Variants in COL25A1 observed in about 807,000 individuals in gnomAD.
COL25A1 encodes collagen alpha-1(XXV) chain.
A neutral mutation model predicts 128.4 loss-of-function variants in COL25A1; 103 were observed. That is an observed-to-expected ratio of 0.80 (90% CI 0.68 to 0.94). The LOEUF is 0.94. COL25A1 is among the 40% of genes least tolerant of loss of function. COL25A1 has a pLI of 0.00. For missense variants in COL25A1, 745 were observed against 840.0 expected (o/e 0.89, Z 1.40); for synonymous variants, 279 against 277.2 (o/e 1.01, Z -0.06).
chr4:109,298,823 T>C (rs1725240699), intron 3 of COL25A1, among the ~76,000 whole-genome samples: 1 of 152,102 alleles, frequency 6.6e-6, no homozygotes, highest in Admixed American at 6.6e-5. Context: ...ACTGATGTAA[T>C]GTGGAGCTCT....
chr4:108,860,469 T>C (rs1014950489), intron 23 of COL25A1, among the ~76,000 whole-genome samples: 2 of 152,086 alleles, frequency 1.3e-5, no homozygotes, highest in Non-Finnish European at 1.5e-5. Context: ...CCACAAAAAT[T>C]AAACAAAATA....
intron 3 of COL25A1, among the ~76,000 whole-genome samples, chr4:109,222,525 T>C (rs1322632442): frequency 2.0e-5 from 3 of 152,208 alleles, no homozygotes; most frequent in African/African-American, 7.2e-5. Context: ...GAATTAATAT[T>C]AAACTATTTA....
intron 3 of COL25A1, among the ~76,000 whole-genome samples, chr4:109,117,977 C>T (rs950970921): frequency 3.3e-5 from 5 of 151,374 alleles, no homozygotes; most frequent in Non-Finnish European, 5.9e-5. Flanking sequence ...ATATAAAATG[C>T]TCAATTAAAA....
chr4:109,295,939 A>C (rs144941892), intron 3 of COL25A1, among the ~76,000 whole-genome samples: 60 of 152,152 alleles, frequency 3.9e-4, no homozygotes, highest in African/African-American at 1.4e-3. Flanking sequence ...CTCCAAGCAA[A>C]TGACTAGCTG....
At chr4:109,128,517 G>A (rs1768857176) in intron 3 of COL25A1, among the ~76,000 whole-genome samples, 1 of 152,098 alleles carries the variant, frequency 6.6e-6, no homozygotes, top group South Asian at 2.1e-4. Context: ...TTATGACTTT[G>A]TCTATAACTT....
intron 13 of COL25A1, among the ~76,000 whole-genome samples, chr4:108,909,476 G>A (rs959248070): frequency 1.8e-4 from 27 of 152,042 alleles, no homozygotes; most frequent in Admixed American, 1.4e-3. Flanking sequence ...AATTACACAT[G>A]TCTAAAAATG....
chr4:109,010,135 G>A (rs1756434232), intron 6 of COL25A1, among the ~76,000 whole-genome samples: 1 of 152,152 alleles, frequency 6.6e-6, no homozygotes, highest in Non-Finnish European at 1.5e-5. Context: ...TGCTTTATAT[G>A]ATAGTACATT....
At chr4:109,050,765 C>T (rs1006701998) in intron 3 of COL25A1, among the ~76,000 whole-genome samples, 1 of 151,920 alleles carries the variant, frequency 6.6e-6, no homozygotes, top group Non-Finnish European at 1.5e-5. Context: ...TTTAATAAGA[C>T]AGTGTTTAGG....
chr4:108,911,902 T>C (rs1249109891), intron 13 of COL25A1, among the ~76,000 whole-genome samples: 3 of 151,372 alleles, frequency 2.0e-5, no homozygotes, highest in African/African-American at 7.3e-5. Flanking sequence ...TTATTCTTCC[T>C]TCTCCCAATA....
intron 3 of COL25A1, among the ~76,000 whole-genome samples, chr4:109,168,924 T>G (rs1412310636): frequency 6.6e-6 from 1 of 152,160 alleles, no homozygotes; most frequent in Non-Finnish European, 1.5e-5. Flanking sequence ...TTAGCATTTC[T>G]CTGGGCATCT....
intron 3 of COL25A1, among the ~76,000 whole-genome samples, chr4:109,154,790 A>G (rs1343744891): frequency 6.6e-6 from 1 of 152,216 alleles, no homozygotes; most frequent in Non-Finnish European, 1.5e-5. Flanking sequence ...AATAATATGA[A>G]AGAAAGTCTT....
chr4:109,082,387 T>C (rs568777785), intron 3 of COL25A1, among the ~76,000 whole-genome samples: 11 of 152,328 alleles, frequency 7.2e-5, no homozygotes, highest in Middle Eastern at 3.4e-3. Context: ...GCCAGACTGT[T>C]TTCCAAAGAG....
chr4:108,988,767 C>G (rs922860593), intron 6 of COL25A1, among the ~76,000 whole-genome samples: 1 of 152,318 alleles, frequency 6.6e-6, no homozygotes, highest in Non-Finnish European at 1.5e-5. Context: ...CTTGCAAACC[C>G]AGTAACATTT....
At chr4:108,975,143 T>A (rs1418923410) in intron 6 of COL25A1, among the ~76,000 whole-genome samples, 1 of 152,234 alleles carries the variant, frequency 6.6e-6, no homozygotes, top group East Asian at 1.9e-4. Flanking sequence ...CAGGAGTTTC[T>A]AGGTCTTGGC....
intron 6 of COL25A1, among the ~76,000 whole-genome samples, chr4:108,994,062 C>G (rs557330434): frequency 6.6e-6 from 1 of 152,146 alleles, no homozygotes; most frequent in African/African-American, 2.4e-5. Flanking sequence ...ATGATTTCTG[C>G]ATTTCCAACT....
intron 8 of COL25A1, among the ~76,000 whole-genome samples, chr4:108,944,092 C>T (rs147857380): frequency 4.6e-5 from 7 of 152,262 alleles, no homozygotes; most frequent in Middle Eastern, 3.4e-3. Context: ...TTCTTCAGCT[C>T]TAATGCCTTT....
chr4:109,091,950 A>G (rs761105624), intron 3 of COL25A1, among the ~76,000 whole-genome samples: 86 of 152,204 alleles, frequency 5.7e-4, no homozygotes, highest in Non-Finnish European at 2.8e-4. Flanking sequence ...CAAAGCCGAG[A>G]GACGCAGACT....
intron 8 of COL25A1, among the ~76,000 whole-genome samples, chr4:108,961,622 T>C (rs148247505): frequency 0.015 from 2,246 of 151,362 alleles, 24 homozygotes; most frequent in Non-Finnish European, 0.023. Flanking sequence ...TTCTGTTCTG[T>C]TCTGTTGTTG....
intron 5 of COL25A1, among the ~76,000 whole-genome samples, chr4:109,010,600 C>G (rs1051625189): frequency 6.6e-6 from 1 of 152,108 alleles, no homozygotes; most frequent in African/African-American, 2.4e-5. Flanking sequence ...CTATTTAACT[C>G]CAAAATGACC....
Sources: gnomAD v4.1 joint callset for allele counts (sites outside exome capture counted in the v4.1 genomes callset) on GRCh38, gnomAD v4.1.1 for gene constraint, MANE v1.5 for transcripts, NCBI Gene and HGNC (gene_info 2026-07-23, HGNC 2026-07-21) for gene names.